The following HPSE2 variants were observed in gnomAD, a reference collection of about 807,000 sequenced individuals.
HPSE2 encodes inactive heparanase-2.
A neutral mutation model predicts 60.5 loss-of-function variants in HPSE2; 38 were observed. The ratio of observed to expected loss-of-function variants is 0.63; its 90% confidence interval spans 0.48 to 0.82. The LOEUF (loss-of-function observed/expected upper bound fraction) is 0.82. Among genes scored for constraint, HPSE2 ranks in the 40% least tolerant of loss-of-function variants. HPSE2 has a pLI of 0.00. For synonymous variants in HPSE2, 295 were observed against 293.2 expected (o/e 1.01, Z -0.06); for missense variants, 713 against 740.4 (o/e 0.96, Z 0.43).
chr10:98,768,831 A>G (rs1167940293), intron 3 of HPSE2, among the ~76,000 whole-genome samples: 1 of 152,084 alleles, frequency 6.6e-6, no homozygotes, highest in African/African-American at 2.4e-5. Flanking sequence ...GCAGGTGGAT[A>G]CTTGAGGTCA....
intron 3 of HPSE2, among the ~76,000 whole-genome samples, chr10:98,813,510 T>A (rs1398602052): frequency 1.3e-5 from 2 of 152,144 alleles, no homozygotes; most frequent in Non-Finnish European, 2.9e-5. Flanking sequence ...TCTCCATCTA[T>A]GCACAAAAGT....
intron 3 of HPSE2, among the ~76,000 whole-genome samples, chr10:98,948,556 T>C (rs1487082080): frequency 6.6e-6 from 1 of 152,168 alleles, no homozygotes; most frequent in Non-Finnish European, 1.5e-5. Context: ...TTCTATATGA[T>C]ATGGGCACTG....
intron 9 of HPSE2, among the ~76,000 whole-genome samples, chr10:98,569,538 CA>C (rs1944439731): frequency 6.6e-6 from 1 of 151,980 alleles, no homozygotes; most frequent in Non-Finnish European, 1.5e-5. Flanking sequence ...TCTATCCCTC[CA>C]AATCCATATT....
chr10:98,744,773 T>G (rs572927377), intron 3 of HPSE2, among the ~76,000 whole-genome samples: 2 of 152,212 alleles, frequency 1.3e-5, no homozygotes, highest in Non-Finnish European at 2.9e-5. Flanking sequence ...AGATGAATAA[T>G]AGGGTACAAG....
At chr10:98,502,373 T>C (rs1329553514) in intron 9 of HPSE2, among the ~76,000 whole-genome samples, 2 of 152,104 alleles carry the variant, frequency 1.3e-5, no homozygotes, top group African/African-American at 4.8e-5. Flanking sequence ...TGGAACAGAA[T>C]AGGGAACCTA....
At chr10:98,916,765 A>G (rs112888554) in intron 3 of HPSE2, among the ~76,000 whole-genome samples, 6 of 152,352 alleles carry the variant, frequency 3.9e-5, no homozygotes, top group African/African-American at 1.2e-4. Flanking sequence ...AGATAGTCAG[A>G]TAATCTATTC....
intron 2 of HPSE2, among the ~76,000 whole-genome samples, chr10:99,172,472 A>G (rs1324606996): frequency 6.6e-6 from 1 of 152,150 alleles, no homozygotes; most frequent in Non-Finnish European, 1.5e-5. Flanking sequence ...ATATTGGACT[A>G]TATTGGACAC....
chr10:98,680,735 C>A (rs771349717), intron 6 of HPSE2, among the ~76,000 whole-genome samples: 4 of 152,050 alleles, frequency 2.6e-5, no homozygotes, highest in African/African-American at 9.7e-5. Flanking sequence ...TATGATTGAG[C>A]TGCAAACTGA....
chr10:98,506,424 T>C (rs1299627493), intron 9 of HPSE2, among the ~76,000 whole-genome samples: 1 of 152,154 alleles, frequency 6.6e-6, no homozygotes. Context: ...GCAGATTCAC[T>C]GATTTTCCCT....
chr10:98,619,803 C>G (rs1012511820), intron 8 of HPSE2, among the ~76,000 whole-genome samples: 1 of 152,206 alleles, frequency 6.6e-6, no homozygotes, highest in Non-Finnish European at 1.5e-5. Context: ...CCATGAAGTC[C>G]TCCCTGATAC....
intron 6 of HPSE2, among the ~76,000 whole-genome samples, chr10:98,675,517 G>A (rs1285506777): frequency 6.8e-6 from 1 of 147,918 alleles, no homozygotes; most frequent in Non-Finnish European, 1.5e-5. Flanking sequence ...ACCAGCCTAA[G>A]CAACACAGTG....
upstream of HPSE2, among the ~76,000 whole-genome samples, chr10:99,240,512 G>A (rs1049152970): frequency 7.4e-5 from 11 of 149,144 alleles, no homozygotes; most frequent in Non-Finnish European, 1.5e-4. Context: ...CCAGGTTCAC[G>A]CCATTCTCCT....
intron 3 of HPSE2, among the ~76,000 whole-genome samples, chr10:98,772,236 C>A (rs1415229488): frequency 2.0e-5 from 3 of 152,060 alleles, no homozygotes; most frequent in Admixed American, 2.0e-4. Context: ...GTTAACAGAG[C>A]ATGACATCCC....
At chr10:99,282,831 C>T in the HPSE2 span, among the ~76,000 whole-genome samples, 1 of 151,978 alleles carries the variant, frequency 6.6e-6, no homozygotes, top group Non-Finnish European at 1.5e-5. Flanking sequence ...TATAACATAC[C>T]AAAACTTACG....
chr10:98,942,122 A>T (rs1955026128), intron 3 of HPSE2, among the ~76,000 whole-genome samples: 1 of 140,286 alleles, frequency 7.1e-6, no homozygotes, highest in African/African-American at 2.9e-5. Context: ...AAAACCATAA[A>T]AACCCTAGAA....
intron 3 of HPSE2, among the ~76,000 whole-genome samples, chr10:98,779,418 C>T (rs1187826066): frequency 3.3e-5 from 5 of 152,148 alleles, no homozygotes; most frequent in African/African-American, 7.2e-5. Context: ...ATTCAACTCA[C>T]TCAATGTGAG....
At chr10:99,098,535 C>A (rs955314405) in intron 3 of HPSE2, among the ~76,000 whole-genome samples, 8 of 152,116 alleles carry the variant, frequency 5.3e-5, no homozygotes, top group Non-Finnish European at 1.2e-4. Context: ...ATAATAAACC[C>A]TAGATGAGTA....
intron 7 of HPSE2, among the ~76,000 whole-genome samples, chr10:98,629,456 T>C (rs1946302092): frequency 6.6e-6 from 1 of 152,210 alleles, no homozygotes; most frequent in African/African-American, 2.4e-5. Context: ...TTATAAGTGG[T>C]CAAGGCGAGA....
intron 6 of HPSE2, among the ~76,000 whole-genome samples, chr10:98,662,547 T>C (rs1947252854): frequency 6.6e-6 from 1 of 152,088 alleles, no homozygotes; most frequent in South Asian, 2.1e-4. Flanking sequence ...CACTGGGATA[T>C]AGTTGAGAGT....
Sources: gnomAD v4.1 joint callset for allele counts (sites outside exome capture counted in the v4.1 genomes callset) on GRCh38, gnomAD v4.1.1 for gene constraint, MANE v1.5 for transcripts, NCBI Gene and HGNC (gene_info 2026-07-23, HGNC 2026-07-21) for gene names.